Variants in RNPEPL1 observed in about 807,000 individuals in gnomAD.
RNPEPL1 encodes aminopeptidase RNPEPL1.
Under a neutral mutation model 69.0 loss-of-function variants are expected in RNPEPL1, and 46 were observed. The observed-to-expected ratio is 0.67, with a 90% confidence interval of 0.53 to 0.85. RNPEPL1 has a LOEUF of 0.85. Ranked by LOEUF, RNPEPL1 falls within the 40% of genes least tolerant of loss-of-function variation. The pLI is 0.00. For synonymous variants in RNPEPL1, 525 were observed against 454.1 expected (o/e 1.16, Z -1.98); for missense variants, 869 against 992.5 (o/e 0.88, Z 1.67).
At position 240,568,602 on chromosome 2, in the gene RNPEPL1, T is replaced by A. The variant is rs1575433903; in HGVS notation, c.16T>A (p.Cys6Ser). The stretch of plus-strand genomic sequence containing the variant: ...GCCGGCGGCCATGGCCGCGCAGTGC[T>A]GCTGCCGCCAGGCGCCCGGCGCCGA... MAAQC[C>S]CRQAPGAEAA... Residue 6 changes from cysteine (C) to serine (S), a missense_variant, in exon 1 of 11, where the codon TGC becomes AGC. Coordinates refer to ENST00000270357, the MANE Select transcript of RNPEPL1 (RefSeq NM_018226.6). The surrounding 1 kb of genome is among the most constrained non-coding windows in gnomAD (Gnocchi z 6.2). 1.0e-6 allele frequency: 1 copy of A among 988,332 alleles called. No individual in the cohort carries two copies. The highest frequency in any genetic ancestry group is 1.2e-6 in the Non-Finnish European group (1 of 835,296). 61.2% of individuals were successfully genotyped at this position (988,332 alleles called of 1,614,324 possible). A position where few individuals can be genotyped will look rare whatever the true frequency, so the allele number is the denominator to read the frequency against.
chr2:240,572,276 G>A (rs2093023897), intron 1 of RNPEPL1, 147 bp from the exon 2 acceptor site: 2 of 888,794 alleles, frequency 2.3e-6, no homozygotes, highest in Admixed American at 2.7e-5. Context: ...AAGGCTAAGG[G>A]GTGGCTATTG....
chr2:240,569,215 A>G (rs898965891), intron 1 of RNPEPL1, 101 bp downstream of exon 1: 24 of 1,242,174 alleles, frequency 1.9e-5, no homozygotes, highest in Middle Eastern at 3.0e-4. Context: ...TCTGCGCCCT[A>G]CAGGTGCCCC....
At position 240,573,901 on chromosome 2, in the gene RNPEPL1, G is replaced by A. The variant is rs542007441; in HGVS notation, c.938+10G>A. 259 of 1,573,486 alleles carry A rather than the reference G, an allele frequency of 1.6e-4. No homozygotes were observed. Among genetic ancestry groups the A allele is most frequent in the East Asian group, 4.9e-4 (21 of 42,966 alleles). ...CCTACATGTGGGGCAGGTAGGCCCC[G>A]GGGACCTGTGGACCTGGCTGGCTGG... On this transcript the variant is annotated intron_variant, in intron 4 of 10. Coordinates refer to ENST00000270357, the MANE Select transcript of RNPEPL1 (RefSeq NM_018226.6).
At chr2:240,577,012 GC>G in intron 10 of RNPEPL1, 22 bp downstream of exon 10, 2 of 1,611,812 alleles carry the variant, frequency 1.2e-6, no homozygotes, top group South Asian at 2.2e-5. Flanking sequence ...TGCCCAGGGG[GC>G]CAGCCTGGAA....
At chr2:240,571,502 G>A (rs1348690523) in intron 1 of RNPEPL1, among the ~76,000 whole-genome samples, 1 of 152,154 alleles carries the variant, frequency 6.6e-6, no homozygotes. Context: ...GTGGTTGGAA[G>A]AGGGTCCCCC....
chr2:240,573,632 G>A lies in RNPEPL1; in HGVS notation c.822-143G>A, dbSNP rs111900496. The A allele has an allele frequency of 6.0e-3, 4,234 of 702,894 alleles. 20 individuals are homozygous for A. Among genetic ancestry groups the A allele is most frequent in the Non-Finnish European group, 8.0e-3 (3,448 of 430,602 alleles). The allele number at this position is 702,894 out of a possible 1,614,324, so 43.5% of individuals were successfully genotyped here. ...CCAGGGTGGCTGCCCATCCAGTGAG[G>A]CAGGGCGGGCTGTAGGCTGGGGTGG... is the stretch of plus-strand genomic sequence containing the variant. On this transcript the variant is annotated intron_variant, in intron 3 of 10. Transcript: ENST00000270357.
chr2:240,578,352 T>G lies in RNPEPL1; in HGVS notation c.*460T>G. The G allele has an allele frequency of 6.4e-6, 1 of 155,696 alleles. No homozygotes were observed. Among genetic ancestry groups the G allele is most frequent in the Non-Finnish European group, 1.4e-5 (1 of 70,578 alleles). 9.6% of individuals were successfully genotyped at this position (155,696 alleles called of 1,614,324 possible). A position where few individuals can be genotyped will look rare whatever the true frequency, so the allele number is the denominator to read the frequency against. On this transcript the variant is annotated 3_prime_UTR_variant, in exon 11 of 11. Coordinates refer to ENST00000270357, the MANE Select transcript of RNPEPL1 (RefSeq NM_018226.6). ...CCCGCACAGCCCTGCACCCCGCCCC[T>G]GGGGTTGGCAGCCTCAGTTGGCCCC...
At position 240,578,537 on chromosome 2, in the gene RNPEPL1, C is replaced by T. The variant is rs1207066219; in HGVS notation, c.*645C>T. 1 of 152,430 alleles carries T rather than the reference C, an allele frequency of 6.6e-6. No individual in the cohort carries two copies. Among genetic ancestry groups the T allele is most frequent in the Non-Finnish European group, 1.5e-5 (1 of 68,144 alleles). The allele number at this position is 152,430 out of a possible 1,614,324, so 9.4% of individuals were successfully genotyped here. On this transcript the variant is annotated 3_prime_UTR_variant, in exon 11 of 11. Coordinates refer to ENST00000270357, the MANE Select transcript of RNPEPL1 (RefSeq NM_018226.6). Reference sequence around the variant, plus strand: ...AGGGAGAGTGTGGGGACAGGACAGCCTGTCTCTTGTAGCTTCCTGGGGTGG... The same window carrying T: ...AGGGAGAGTGTGGGGACAGGACAGCTTGTCTCTTGTAGCTTCCTGGGGTGG...
At chr2:240,569,764 G>A (rs2093015886) in intron 1 of RNPEPL1, among the ~76,000 whole-genome samples, 1 of 152,228 alleles carries the variant, frequency 6.6e-6, no homozygotes, top group Admixed American at 6.5e-5. Flanking sequence ...CAGCATGGGG[G>A]TTCATACTGC....
intron 8 of RNPEPL1, chr2:240,576,230 C>T: frequency 2.1e-6 from 1 of 468,004 alleles, no homozygotes; most frequent in Non-Finnish European, 3.8e-6. Flanking sequence ...AGGTGGCCTC[C>T]ACCAGCACTG....
At position 240,577,824 on chromosome 2, in the gene RNPEPL1, G is replaced by A; in HGVS notation, c.2110G>A (p.Ala704Thr). The A allele has an allele frequency of 1.3e-6, 2 of 1,598,900 alleles. No individual in the cohort carries two copies. Among genetic ancestry groups the A allele is most frequent in the South Asian group, 1.1e-5 (1 of 90,556 alleles). The change falls in exon 11 of 11, where the codon GCC becomes ACC. Residue 704 changes from alanine to threonine, a missense_variant. By Grantham distance (58) the Ala-to-Thr change is moderately conservative. Transcript: ENST00000270357. The stretch of plus-strand genomic sequence containing the variant: ...AGCAGACACAGACTCGGACGCACAG[G>A]CCCTGCTGCTTGGGGACGAGGCCCC... ...AEADTDSDAQ[A>T]LLLGDEAPSS...
chr2:240,577,694 G>A lies in RNPEPL1; in HGVS notation c.1980G>A (p.Arg660=), dbSNP rs1307881842. ...AGGTCTTCTACCAGACGCAGGGCCG[G>A]CTGCACCCCAACCTGCGCAGAGCCA... ...ALEVFYQTQG[R]LHPNLRRAIQ... The change falls in exon 11 of 11, where the codon CGG becomes CGA. Residue 660 remains arginine (R), a synonymous_variant. Transcript: ENST00000270357. The A allele has an allele frequency of 1.9e-6, 3 of 1,612,730 alleles. No homozygotes were observed. Among genetic ancestry groups the A allele is most frequent in the Non-Finnish European group, 2.5e-6 (3 of 1,179,738 alleles).
At chr2:240,569,139 C>T in intron 1 of RNPEPL1, 25 bp downstream of exon 1, 1 of 1,448,832 alleles carries the variant, frequency 6.9e-7, no homozygotes, top group Admixed American at 2.6e-5. Context: ...GGCGCCGGGG[C>T]TGCGGGCCGG....
intron 2 of RNPEPL1, among the ~76,000 whole-genome samples, chr2:240,572,805 G>A (rs1409206156): frequency 6.6e-6 from 1 of 152,226 alleles, no homozygotes; most frequent in Non-Finnish European, 1.5e-5. Flanking sequence ...AGTCCCCAGT[G>A]GCACTGCAGG....
In RNPEPL1 at chr2:240,568,915, G is replaced by C; in HGVS notation, c.329G>C (p.Gly110Ala). 7.7e-7 allele frequency: 1 copy of C among 1,295,452 alleles called. No homozygotes were observed. The highest frequency in any genetic ancestry group is 9.7e-7 in the Non-Finnish European group (1 of 1,027,532). 80.2% of individuals were successfully genotyped at this position (1,295,452 alleles called of 1,614,324 possible). The change falls in exon 1 of 11, where the codon GGG (glycine) becomes GCG (alanine). Residue 110 changes from glycine (G) to alanine (A), a missense_variant. Physicochemically the swap from Gly to Ala is moderately conservative, Grantham distance 60. Around this residue, in one of 2 missense-constraint regions of RNPEPL1, gnomAD observed 259 missense variants for 201.5 expected, o/e 1.29. Transcript: ENST00000270357. This position sits in a 1 kb window ranked among gnomAD's most constrained non-coding sequence, Gnocchi z 6.2. ...TPCAFAFSAP[G>A]PGPAPPPPLP... ...TGCGCCTTCGCCTTCTCCGCCCCCG[G>C]GCCGGGGCCCGCGCCGCCGCCCCCG...
At chr2:240,571,126 G>A (rs1309888753) in intron 1 of RNPEPL1, among the ~76,000 whole-genome samples, 3 of 152,174 alleles carry the variant, frequency 2.0e-5, no homozygotes, top group African/African-American at 7.2e-5. Flanking sequence ...GTTTGTGAAT[G>A]GCTCCCCAGG....
At position 240,577,728 on chromosome 2, in the gene RNPEPL1, A is replaced by G; in HGVS notation, c.2014A>G (p.Ile672Val). 6.2e-7 allele frequency: 1 copy of G among 1,612,596 alleles called. No individual in the cohort carries two copies. Among genetic ancestry groups the G allele is most frequent in the Non-Finnish European group, 8.5e-7 (1 of 1,179,726 alleles). The stretch of plus-strand genomic sequence containing the variant: ...CAACCTGCGCAGAGCCATCCAGCAG[A>G]TCCTGTCCCAGGGCCTGGGCTCCAG... ...HPNLRRAIQQILSQGLGSSTE... is the reference protein window; with the variant it reads ...HPNLRRAIQQVLSQGLGSSTE... The change falls in exon 11 of 11, where the codon ATC (isoleucine) becomes GTC (valine). Residue 672 changes from isoleucine (I) to valine (V), a missense_variant. By Grantham distance (29) the Ile-to-Val change is conservative (BLOSUM62 3). This residue lies in a region of RNPEPL1 where 610 missense variants were observed against 790.9 expected (regional missense o/e 0.77). Transcript: ENST00000270357.
At position 240,573,890 on chromosome 2, in the gene RNPEPL1, A is replaced by G; in HGVS notation, c.937A>G (p.Arg313Gly). The change falls in exon 4 of 11, where the codon AGG becomes GGG. Residue 313 changes from arginine to glycine, a missense_variant and splice_region_variant. By Grantham distance (125) the Arg-to-Gly change is moderately radical (BLOSUM62 -2). Around this residue, in one of 2 missense-constraint regions of RNPEPL1, gnomAD observed 610 missense variants for 790.9 expected, o/e 0.77. Transcript: ENST00000270357. ...GCTGTATGGGCCCTACATGTGGGGC[A>G]GGTAGGCCCCGGGGACCTGTGGACC... ...ERLYGPYMWG[R>G]YDIVFLPPSF... The G allele has an allele frequency of 6.3e-7, 1 of 1,577,146 alleles. No homozygotes were observed.
rs1041361788 is a variant in RNPEPL1, at chr2:240,578,582, A to C, written c.*690A>C. On this transcript the variant is annotated 3_prime_UTR_variant, in exon 11 of 11. Transcript: ENST00000270357. ...GGGTGGGAGGCACAGGGGCAAAGCA[A>C]TACCCCAGGGAAAGTGGGAGGTGGT... 1 of 152,594 alleles carries C rather than the reference A, an allele frequency of 6.6e-6. No individual in the cohort carries two copies. The highest frequency in any genetic ancestry group is 2.1e-4 in the South Asian group (1 of 4,844). The allele number at this position is 152,594 out of a possible 1,614,324, so 9.5% of individuals were successfully genotyped here. A position where few individuals can be genotyped will look rare whatever the true frequency, so the allele number is the denominator to read the frequency against.
Sources: gnomAD v4.1 joint callset for allele counts (sites outside exome capture counted in the v4.1 genomes callset) on GRCh38, gnomAD v4.1.1 for gene constraint, gnomAD v4.1.1 regional missense constraint, Gnocchi (gnomAD v3.1) non-coding constraint, MANE v1.5 for transcripts, NCBI Gene and HGNC (gene_info 2026-07-23, HGNC 2026-07-21) for gene names.